Variants in SGCZ observed in about 807,000 individuals in gnomAD.
SGCZ encodes sarcoglycan zeta, also known as zeta-sarcoglycan.
Under a neutral mutation model 41.3 loss-of-function variants are expected in SGCZ, and 40 were observed. That is an observed-to-expected ratio of 0.97 (90% CI 0.75 to 1.26). The LOEUF (loss-of-function observed/expected upper bound fraction) is 1.26, where lower values mean the gene tolerates loss of function less well. SGCZ is among the 50% of genes most tolerant of loss of function. The probability of loss-of-function intolerance (pLI) is 0.00; values close to 1 mark genes in which losing one functional copy is unlikely to be tolerated. For synonymous variants in SGCZ, 206 were observed against 137.5 expected, an observed-to-expected ratio of 1.50 and a Z score of -3.49; for missense variants, 552 against 369.8, an observed-to-expected ratio of 1.49 and a Z score of -4.04.
At chr8:14,387,588 T>C (rs1804620683) in intron 2 of SGCZ, among the ~76,000 whole-genome samples, 1 of 152,144 alleles carries the variant, frequency 6.6e-6, no homozygotes, top group East Asian at 1.9e-4. Flanking sequence ...ATTAAGACAA[T>C]AAAGATGTGA....
At chr8:14,777,569 T>C (rs536573374) in intron 1 of SGCZ, among the ~76,000 whole-genome samples, 2 of 152,350 alleles carry the variant, frequency 1.3e-5, no homozygotes, top group South Asian at 2.1e-4. Context: ...TAATCTCATA[T>C]GTTTTGAAAT....
intron 4 of SGCZ, among the ~76,000 whole-genome samples, chr8:14,232,998 G>C (rs1806625995): frequency 6.6e-6 from 1 of 151,964 alleles, no homozygotes; most frequent in South Asian, 2.1e-4. Context: ...TCTTGTTTAT[G>C]ACATAGGGCC....
In SGCZ at chr8:14,954,111, C is replaced by A. The variant is rs1462568910; in HGVS notation, c.39+283474G>T. Among the ~76,000 whole-genome samples, 3 of 152,176 alleles carry A rather than the reference C, an allele frequency of 2.0e-5. No homozygotes were observed. The East Asian group carries it at 5.8e-4, about 29-fold the overall frequency. ...AGCCTTAAATTCAAAACAATAACTT[C>A]ATTCTATCAGATAGATGCATAATGT... On this transcript the variant is annotated intron_variant, in intron 1 of 7. Coordinates refer to ENST00000382080, the MANE Select transcript of SGCZ (RefSeq NM_139167.4).
At chr8:14,537,699 G>A (rs951672943) in intron 2 of SGCZ, among the ~76,000 whole-genome samples, 8 of 151,646 alleles carry the variant, frequency 5.3e-5, no homozygotes, top group African/African-American at 1.9e-4. Context: ...AATAATATGA[G>A]CTTTATCATG....
chr8:14,837,734 G>T (rs569300509), intron 1 of SGCZ, among the ~76,000 whole-genome samples: 3 of 151,924 alleles, frequency 2.0e-5, no homozygotes, highest in African/African-American at 7.2e-5. Context: ...ACAATGGGAT[G>T]GGTTTTTTTG....
chr8:14,241,520 C>T (rs1381281044), intron 3 of SGCZ, among the ~76,000 whole-genome samples: 1 of 145,326 alleles, frequency 6.9e-6, no homozygotes, highest in Non-Finnish European at 1.5e-5. Context: ...TAATATATAG[C>T]ATGATATACT....
chr8:15,072,309 T>C (rs1281257128), intron 1 of SGCZ, among the ~76,000 whole-genome samples: 1 of 152,132 alleles, frequency 6.6e-6, no homozygotes, highest in East Asian at 1.9e-4. Context: ...TTAAAAAAAC[T>C]AAAATTTACA....
At chr8:14,113,750 T>C (rs1802442568) in intron 5 of SGCZ, among the ~76,000 whole-genome samples, 1 of 152,048 alleles carries the variant, frequency 6.6e-6, no homozygotes. Context: ...AAAATTGACT[T>C]TGTAACTCTC....
At chr8:14,449,347 A>G (rs1800524533) in intron 2 of SGCZ, among the ~76,000 whole-genome samples, 2 of 152,180 alleles carry the variant, frequency 1.3e-5, no homozygotes, top group Non-Finnish European at 1.5e-5. Context: ...TACAAGATGA[A>G]TGATGTGCAA....
intron 1 of SGCZ, among the ~76,000 whole-genome samples, chr8:15,071,224 C>T (rs1276806294): frequency 6.6e-6 from 1 of 152,112 alleles, no homozygotes; most frequent in Non-Finnish European, 1.5e-5. Context: ...ATCAGCTTAT[C>T]ATAAAATATG....
chr8:14,219,203 A>T (rs983771579), intron 4 of SGCZ, among the ~76,000 whole-genome samples: 5 of 152,182 alleles, frequency 3.3e-5, no homozygotes, highest in Non-Finnish European at 7.4e-5. Context: ...GACCAAGAAG[A>T]AGCTCCAAAG....
Position 14,831,790 on chromosome 8 carries a change from G to GTTTACACATACA in SGCZ, c.40-276865_40-276864insTGTATGTGTAAA, listed in dbSNP as rs760240440. Reference sequence around the variant, plus strand: ...CATATATACACACACGTATATATGTGTGTACACATACATGTATATATGTGT... The same window carrying GTTTACACATACA: ...CATATATACACACACGTATATATGTGTTTACACATACATGTACACATACATGTATATATGTGT... On this transcript the variant is annotated intron_variant, in intron 1 of 7. Transcript: ENST00000382080. 5.5e-3 allele frequency among the ~76,000 whole-genome samples: 836 copies of GTTTACACATACA among 151,882 alleles called. 8 individuals carry two copies. The highest frequency in any genetic ancestry group is 0.019 in the African/African-American group (784 of 41,290).
intron 1 of SGCZ, among the ~76,000 whole-genome samples, chr8:15,146,037 T>C (rs1369518544): frequency 2.0e-5 from 3 of 152,030 alleles, no homozygotes; most frequent in East Asian, 3.9e-4. Flanking sequence ...GCTCTGTTAG[T>C]GGCCATGAAT....
At chr8:15,163,378 G>T (rs2117045771) in intron 1 of SGCZ, among the ~76,000 whole-genome samples, 1 of 152,298 alleles carries the variant, frequency 6.6e-6, no homozygotes, top group Non-Finnish European at 1.5e-5. Flanking sequence ...AGGCTGTCTT[G>T]ATTAGAAGCC....
At chr8:14,581,028 G>A (rs1804870910) in intron 1 of SGCZ, among the ~76,000 whole-genome samples, 1 of 152,196 alleles carries the variant, frequency 6.6e-6, no homozygotes. Context: ...CAGGTATCCT[G>A]TGAGATACTT....
intron 1 of SGCZ, among the ~76,000 whole-genome samples, chr8:15,188,478 T>C (rs1800421378): frequency 6.6e-6 from 1 of 152,164 alleles, no homozygotes; most frequent in African/African-American, 2.4e-5. Flanking sequence ...TTTTTGTCTT[T>C]GTCTTTCCAG....
intron 1 of SGCZ, among the ~76,000 whole-genome samples, chr8:15,062,782 T>A (rs1804984635): frequency 1.3e-5 from 2 of 152,164 alleles, no homozygotes; most frequent in Admixed American, 1.3e-4. Flanking sequence ...GTTAAACCCT[T>A]TTTACAGTCT....
At chr8:14,879,540 C>A (rs1804498012) in intron 1 of SGCZ, among the ~76,000 whole-genome samples, 1 of 151,642 alleles carries the variant, frequency 6.6e-6, no homozygotes, top group African/African-American at 2.4e-5. Flanking sequence ...TCTTATATAT[C>A]ACATACCAGG....
intron 1 of SGCZ, among the ~76,000 whole-genome samples, chr8:15,130,628 C>A (rs926833764): frequency 1.3e-5 from 2 of 152,154 alleles, no homozygotes; most frequent in African/African-American, 4.8e-5. Flanking sequence ...TTACTTCAGT[C>A]TCTTTCAATG....
Sources: allele counts gnomAD v4.1 joint callset (sites outside exome capture counted in the v4.1 genomes callset), GRCh38; gene constraint gnomAD v4.1.1; transcripts MANE v1.5; gene names NCBI Gene and HGNC (gene_info 2026-07-23, HGNC 2026-07-21).